The following TOMM5 variants were observed in gnomAD, a reference collection of about 807,000 sequenced individuals.
TOMM5 encodes the protein mitochondrial import receptor subunit TOM5 homolog.
In TOMM5, 1 loss-of-function variant was observed where a neutral mutation model predicts 4.8. The observed-to-expected ratio is 0.21, with a 90% CI of 0.07 to 0.99. The LOEUF (loss-of-function observed/expected upper bound fraction) is 0.99, where lower values mean the gene tolerates loss of function less well. Among genes scored for constraint, TOMM5 ranks in the 50% least tolerant of loss-of-function variants. The pLI is 0.60. For synonymous variants in TOMM5, 26 were observed against 26.7 expected (o/e 0.97, Z 0.08); for missense variants, 60 against 66.6 (o/e 0.90, Z 0.35).
At chr9:37,592,258 AC>A in intron 1 of TOMM5, 153 bp downstream of exon 1, 5 of 1,548,090 alleles carry the variant, frequency 3.2e-6, no homozygotes, top group Non-Finnish European at 3.5e-6. Flanking sequence ...CAGACCTCAA[AC>A]CGCGCATATG....
At chr9:37,592,389 G>C (rs761847415) in intron 1 of TOMM5, 23 bp downstream of exon 1, 1 of 1,613,886 alleles carries the variant, frequency 6.2e-7, no homozygotes, top group Non-Finnish European at 8.5e-7. Flanking sequence ...TGGTCTCACA[G>C]TCACAGCCCG....
chr9:37,588,951 T>C lies in TOMM5; in HGVS notation c.122-19A>G. On this transcript the variant is annotated intron_variant, in intron 1 of 1. Transcript: ENST00000321301. ...AATGGAGCTGAAAGAAAAACAAATCTAAAATTAGTTTTCAAATCTATTAGC... is the reference window on the plus strand; with the variant it reads ...AATGGAGCTGAAAGAAAAACAAATCCAAAATTAGTTTTCAAATCTATTAGC... The C allele has an allele frequency of 6.2e-7, 1 of 1,602,570 alleles. No homozygotes were observed. Among genetic ancestry groups the C allele is most frequent in the Non-Finnish European group, 8.5e-7 (1 of 1,170,692 alleles).
At chr9:37,590,594 C>T (rs1823084967) in intron 1 of TOMM5, among the ~76,000 whole-genome samples, 1 of 152,074 alleles carries the variant, frequency 6.6e-6, no homozygotes, top group Non-Finnish European at 1.5e-5. Flanking sequence ...CTGAATTGTA[C>T]ACCTTAAATG....
At chr9:37,589,234 C>T (rs773449401) in intron 1 of TOMM5, among the ~76,000 whole-genome samples, 3 of 152,176 alleles carry the variant, frequency 2.0e-5, no homozygotes, top group Non-Finnish European at 4.4e-5. Flanking sequence ...TTTACTCTAG[C>T]GATTTATTTT....
rs774712397 is a variant in TOMM5 at position 37,592,548 on chromosome 9, G to A, written c.-16C>T. 1.2e-6 allele frequency: 2 copies of A among 1,607,414 alleles called. No individual in the cohort carries two copies. The highest frequency in any genetic ancestry group is 1.7e-5 in the Admixed American group (1 of 59,912). ...TCCGGAACATCGCGGCTCTGACTTA[G>A]CAGCTTCCAGCCGCCGCGCTCTGCT... is the stretch of plus-strand genomic sequence containing the variant. On this transcript the variant is annotated 5_prime_UTR_variant, in exon 1 of 2. Transcript: ENST00000321301.
intron 1 of TOMM5, 142 bp from the exon 2 acceptor site, chr9:37,589,074 G>T: frequency 1.5e-6 from 1 of 669,870 alleles, no homozygotes; most frequent in East Asian, 2.7e-5. Flanking sequence ...CCCAGCAAAA[G>T]GGACTAGTTG....
chr9:37,589,042 G>T, intron 1 of TOMM5, 110 bp from the exon 2 acceptor site: 1 of 935,410 alleles, frequency 1.1e-6, no homozygotes, highest in Non-Finnish European at 1.6e-6. Context: ...TCCAAGTGAT[G>T]GTCAAGCATG....
Position 37,592,455 on chromosome 9 carries a change from G to A in TOMM5, c.78C>T (p.Ser26=), listed in dbSNP as rs7021977. ...CGTAGATGAGAAAGTTCCGTATGGA[G>A]GAGATCACATCCTCGCGCATCTTCC... ...MKRKMREDVI[S]SIRNFLIYVA... The change falls in exon 1 of 2, where the codon TCC becomes TCT. Residue 26 remains serine (S), a synonymous_variant. Coordinates refer to ENST00000321301, the MANE Select transcript of TOMM5 (RefSeq NM_001001790.3). The A allele has an allele frequency of 0.15, 237,214 of 1,613,970 alleles. 19,716 individuals carry two copies. Among genetic ancestry groups the A allele is most frequent in the African/African-American group, 0.32 (24,155 of 74,958 alleles).
rs763270595 is a variant in TOMM5, at chr9:37,592,456, G to A, written c.77C>T (p.Ser26Phe). The change falls in exon 1 of 2, where the codon TCC becomes TTC. Residue 26 changes from serine (S) to phenylalanine (F), a missense_variant. Coordinates refer to ENST00000321301, the MANE Select transcript of TOMM5 (RefSeq NM_001001790.3). ...GTAGATGAGAAAGTTCCGTATGGAG[G>A]AGATCACATCCTCGCGCATCTTCCG... is the stretch of plus-strand genomic sequence containing the variant. ...MKRKMREDVISSIRNFLIYVA... is the reference protein window; with the variant it reads ...MKRKMREDVIFSIRNFLIYVA... 3 of 1,614,202 alleles carry A rather than the reference G, an allele frequency of 1.9e-6. No homozygotes were observed. The highest frequency in any genetic ancestry group is 3.3e-5 in the Admixed American group (2 of 60,016).
chr9:37,591,321 CTAA>C (rs570425831), intron 1 of TOMM5, among the ~76,000 whole-genome samples: 89 of 152,022 alleles, frequency 5.9e-4, no homozygotes, highest in Non-Finnish European at 7.7e-4. Context: ...TTCCAAAAAA[CTAA>C]TGACTCACTT....
Position 37,588,850 on chromosome 9 carries a change from CTG to C in TOMM5, c.*46_*47del, listed in dbSNP as rs754354066. On this transcript the variant is annotated 3_prime_UTR_variant, in exon 2 of 2. Coordinates refer to ENST00000321301, the MANE Select transcript of TOMM5 (RefSeq NM_001001790.3). ...ATTCACTTGCAGAGAGGAGTCGAAACTGTAACCAGGCTCTTCATATCGTGCAT... is the reference window on the plus strand; with the variant it reads ...ATTCACTTGCAGAGAGGAGTCGAAACTAACCAGGCTCTTCATATCGTGCAT... The C allele has an allele frequency of 4.4e-6, 7 of 1,599,300 alleles. No individual in the cohort carries two copies. The African/African-American group carries it at 9.4e-5, about 21-fold the overall frequency.
At position 37,592,387 on chromosome 9, in the gene TOMM5, C is replaced by CA. The variant is rs745823563; in HGVS notation, c.121+24dup. 3.7e-6 allele frequency: 6 copies of CA among 1,613,868 alleles called. No individual in the cohort carries two copies. In the Middle Eastern group the frequency reaches 6.6e-4, roughly 177 times the overall value. ...GTCGGTGAGCTCCCCGCTGGTCTCA[C>CA]AGTCACAGCCCGGGAGACACTCACT... On this transcript the variant is annotated intron_variant, in intron 1 of 1. Coordinates refer to ENST00000321301, the MANE Select transcript of TOMM5 (RefSeq NM_001001790.3).
chr9:37,591,705 AAAAAG>A (rs1028887653), intron 1 of TOMM5, among the ~76,000 whole-genome samples: 3 of 151,704 alleles, frequency 2.0e-5, no homozygotes, highest in Admixed American at 1.3e-4. Context: ...GAAAAAAAAA[AAAAAG>A]AAAAGAAAAG....
intron 1 of TOMM5, chr9:37,592,161 TCAAA>T (rs977708721): frequency 8.3e-6 from 12 of 1,441,600 alleles, no homozygotes; most frequent in South Asian, 8.3e-5. Flanking sequence ...GCCCGGCAGC[TCAAA>T]CATTCTTCAA....
intron 1 of TOMM5, among the ~76,000 whole-genome samples, chr9:37,589,391 T>C (rs1314787400): frequency 6.6e-6 from 1 of 152,230 alleles, no homozygotes; most frequent in Non-Finnish European, 1.5e-5. Flanking sequence ...ACTGATTAGC[T>C]ATATATCACT....
chr9:37,592,540 C>A lies in TOMM5; in HGVS notation c.-8G>T, dbSNP rs1350209946. 3 of 1,611,594 alleles carry A rather than the reference C, an allele frequency of 1.9e-6. No individual in the cohort carries two copies. In the African/African-American group the frequency reaches 4.0e-5, roughly 22 times the overall value. On this transcript the variant is annotated 5_prime_UTR_variant, in exon 1 of 2. Transcript: ENST00000321301. Reference sequence around the variant, plus strand: ...GCCCTCAATCCGGAACATCGCGGCTCTGACTTAGCAGCTTCCAGCCGCCGC... The same window carrying A: ...GCCCTCAATCCGGAACATCGCGGCTATGACTTAGCAGCTTCCAGCCGCCGC...
intron 1 of TOMM5, among the ~76,000 whole-genome samples, chr9:37,591,408 G>A (rs1302406753): frequency 6.6e-6 from 1 of 152,090 alleles, no homozygotes; most frequent in Non-Finnish European, 1.5e-5. Context: ...TGAAAGGGAA[G>A]GAACCCGGCC....
In TOMM5 at chr9:37,591,549, G is replaced by A. The variant is rs1823101585; in HGVS notation, c.121+863C>T. ...TCTACTAAAAATACAAAAATTAGCC[G>A]GGCGTGGTGGCGCGCGCCTGTAATC... is the stretch of plus-strand genomic sequence containing the variant. On this transcript the variant is annotated intron_variant, in intron 1 of 1. Coordinates refer to ENST00000321301, the MANE Select transcript of TOMM5 (RefSeq NM_001001790.3). Among the ~76,000 whole-genome samples, 4 of 151,920 alleles carry A rather than the reference G, an allele frequency of 2.6e-5. No individual in the cohort carries two copies. The South Asian group carries it at 6.2e-4, about 24-fold the overall frequency.
At chr9:37,591,055 T>C (rs1400108628) in intron 1 of TOMM5, among the ~76,000 whole-genome samples, 1 of 152,252 alleles carries the variant, frequency 6.6e-6, no homozygotes, top group African/African-American at 2.4e-5. Flanking sequence ...ATTCGAGAAC[T>C]GATCATAAAG....
Sources: gnomAD v4.1 joint callset for allele counts (sites outside exome capture counted in the v4.1 genomes callset) on GRCh38, gnomAD v4.1.1 for gene constraint, MANE v1.5 for transcripts, NCBI Gene and HGNC (gene_info 2026-07-23, HGNC 2026-07-21) for gene names.